Variants in KCNJ6 observed in about 807,000 individuals in gnomAD.
KCNJ6 encodes potassium inwardly rectifying channel subfamily J member 6.
Under a neutral mutation model 34.2 loss-of-function variants are expected in KCNJ6, and 9 were observed. The ratio of observed to expected loss-of-function variants is 0.26; its 90% CI spans 0.16 to 0.46. The LOEUF is 0.46. Ranked by LOEUF, KCNJ6 falls within the 20% of genes least tolerant of loss-of-function variation. The pLI is 1.00. For synonymous variants in KCNJ6, 196 were observed against 207.1 expected (o/e 0.95, Z 0.46); for missense variants, 236 against 531.3 (o/e 0.44, Z 5.46).
chr21:37,910,526 T>C (rs2055862291), intron 1 of KCNJ6, among the ~76,000 whole-genome samples: 1 of 152,240 alleles, frequency 6.6e-6, no homozygotes, highest in African/African-American at 2.4e-5. Flanking sequence ...CACAGAACAG[T>C]TGTTGGCAAG....
chr21:37,868,170 C>A (rs2055632444), intron 1 of KCNJ6, among the ~76,000 whole-genome samples: 2 of 152,174 alleles, frequency 1.3e-5, no homozygotes, highest in South Asian at 4.1e-4. Flanking sequence ...TGTCAGGGGT[C>A]TCAGAGCACT....
At chr21:37,873,690 C>G (rs2055663705) in intron 1 of KCNJ6, among the ~76,000 whole-genome samples, 1 of 152,104 alleles carries the variant, frequency 6.6e-6, no homozygotes, top group African/African-American at 2.4e-5. Context: ...TCTCACTCTC[C>G]CTGTTCTCTC....
chr21:37,902,721 A>G (rs1404182948), intron 1 of KCNJ6, among the ~76,000 whole-genome samples: 1 of 152,218 alleles, frequency 6.6e-6, no homozygotes. Flanking sequence ...GTGGCTGCAG[A>G]AGAAACCCCA....
intron 3 of KCNJ6, among the ~76,000 whole-genome samples, chr21:37,672,488 C>A (rs1000479622): frequency 4.6e-5 from 7 of 151,922 alleles, no homozygotes; most frequent in African/African-American, 1.7e-4. Context: ...GTCCTCTCCC[C>A]CTGGGTTTTT....
chr21:37,745,131 G>T (rs958909999), intron 2 of KCNJ6, among the ~76,000 whole-genome samples: 3 of 134,654 alleles, frequency 2.2e-5, no homozygotes, highest in African/African-American at 8.7e-5. Flanking sequence ...GTCTTGCTGT[G>T]GCCCAGGCTA....
chr21:37,860,074 G>A (rs544437562), intron 1 of KCNJ6, among the ~76,000 whole-genome samples: 1 of 152,202 alleles, frequency 6.6e-6, no homozygotes, highest in Non-Finnish European at 1.5e-5. Flanking sequence ...GCTGCAGGTG[G>A]ACAGGTCACC....
At chr21:37,631,548 CT>C (rs1264002417) in intron 3 of KCNJ6, among the ~76,000 whole-genome samples, 1 of 152,128 alleles carries the variant, frequency 6.6e-6, no homozygotes, top group Non-Finnish European at 1.5e-5. Context: ...CACCTGAAGA[CT>C]CTAGAAAGTT....
intron 3 of KCNJ6, among the ~76,000 whole-genome samples, chr21:37,684,715 G>C (rs2054605588): frequency 6.6e-6 from 1 of 152,240 alleles, no homozygotes. Flanking sequence ...AGATTATTCG[G>C]TGAAAAGTGT....
intron 1 of KCNJ6, among the ~76,000 whole-genome samples, chr21:37,880,677 G>C (rs1025481096): frequency 3.3e-5 from 5 of 152,340 alleles, no homozygotes; most frequent in Admixed American, 2.0e-4. Context: ...TAATAGATGG[G>C]CCATAACAAA....
chr21:37,757,683 C>G (rs2055037661), intron 2 of KCNJ6, among the ~76,000 whole-genome samples: 1 of 148,422 alleles, frequency 6.7e-6, no homozygotes, highest in South Asian at 2.2e-4. Context: ...AGAGAGTACT[C>G]CCTCACAGCA....
chr21:37,737,919 T>G (rs2123473648), intron 2 of KCNJ6, among the ~76,000 whole-genome samples: 1 of 152,316 alleles, frequency 6.6e-6, no homozygotes, highest in Non-Finnish European at 1.5e-5. Flanking sequence ...TTGAGATGCC[T>G]TTTTGGTAGA....
At chr21:37,838,151 C>A (rs1483982654) in intron 2 of KCNJ6, among the ~76,000 whole-genome samples, 1 of 152,138 alleles carries the variant, frequency 6.6e-6, no homozygotes, top group African/African-American at 2.4e-5. Context: ...CCCAAGGATT[C>A]GGAATTCAAC....
At position 37,709,527 on chromosome 21, in the gene KCNJ6, AG is replaced by A. The variant is rs1217542233; in HGVS notation, c.946+4683del. Among the ~76,000 whole-genome samples the A allele has an allele frequency of 2.4e-3, 272 of 113,764 alleles. 1 individual carries two copies. Among genetic ancestry groups the A allele is most frequent in the Admixed American group, 5.9e-3 (64 of 10,772 alleles). 74.6% of individuals were successfully genotyped at this position (113,764 alleles called of 152,430 possible). ...AAAACCCTGTCTCAAAAAAAAGAAAAGAAAAGAAAAGAAATATCAGGTGTCT... is the reference window on the plus strand; with the variant it reads ...AAAACCCTGTCTCAAAAAAAAGAAAAAAAAGAAAAGAAATATCAGGTGTCT... On this transcript the variant is annotated intron_variant, in intron 3 of 3. Coordinates refer to ENST00000609713, the MANE Select transcript of KCNJ6 (RefSeq NM_002240.5).
chr21:37,722,747 A>G (rs543041680), intron 2 of KCNJ6, among the ~76,000 whole-genome samples: 9 of 152,234 alleles, frequency 5.9e-5, no homozygotes, highest in Non-Finnish European at 1.2e-4. Flanking sequence ...AGAAGAATGA[A>G]ATTCAATCCC....
chr21:37,810,198 T>C (rs891493826), intron 2 of KCNJ6, among the ~76,000 whole-genome samples: 2 of 152,220 alleles, frequency 1.3e-5, no homozygotes, highest in Non-Finnish European at 2.9e-5. Context: ...CCTTTTCACT[T>C]AACTATATCT....
At chr21:37,850,023 G>C (rs2055529459) in intron 1 of KCNJ6, among the ~76,000 whole-genome samples, 1 of 152,190 alleles carries the variant, frequency 6.6e-6, no homozygotes, top group Admixed American at 6.5e-5. Flanking sequence ...CCAGTCATTT[G>C]TTCAGAATTT....
intron 1 of KCNJ6, among the ~76,000 whole-genome samples, chr21:37,855,492 G>A (rs2055560202): frequency 6.6e-6 from 1 of 152,230 alleles, no homozygotes; most frequent in Non-Finnish European, 1.5e-5. Context: ...TAGATTCTGA[G>A]TCTGTGTCAT....
intron 2 of KCNJ6, among the ~76,000 whole-genome samples, chr21:37,764,026 A>T (rs1408940702): frequency 6.6e-6 from 1 of 152,228 alleles, no homozygotes; most frequent in African/African-American, 2.4e-5. Flanking sequence ...ATGTTTGTCT[A>T]GGAGTAGAAC....
At chr21:37,755,426 T>C (rs569099905) in intron 2 of KCNJ6, among the ~76,000 whole-genome samples, 2 of 152,316 alleles carry the variant, frequency 1.3e-5, no homozygotes, top group South Asian at 4.1e-4. Context: ...CTGCAAATCT[T>C]CAAATGTTAC....
Sources: allele counts gnomAD v4.1 joint callset (sites outside exome capture counted in the v4.1 genomes callset), GRCh38; gene constraint gnomAD v4.1.1; transcripts MANE v1.5; gene names NCBI Gene and HGNC (gene_info 2026-07-23, HGNC 2026-07-21).